The following TIAM2 variants were observed in gnomAD, a reference collection of about 807,000 sequenced individuals.
The protein encoded by TIAM2 is rho guanine nucleotide exchange factor TIAM2.
In TIAM2, 80 loss-of-function variants were observed where a neutral mutation model predicts 152.9. That is an observed-to-expected ratio of 0.52 (90% CI 0.44 to 0.63). The LOEUF (loss-of-function observed/expected upper bound fraction) is 0.63. Among genes scored for constraint, TIAM2 ranks in the 30% least tolerant of loss-of-function variants. The pLI, the probability that TIAM2 is intolerant of heterozygous loss-of-function variation, is 0.00. For missense variants in TIAM2, 1,965 were observed against 2,120.1 expected, an observed-to-expected ratio of 0.93 and a Z score of 1.44; for synonymous variants, 804 against 838.0, an observed-to-expected ratio of 0.96 and a Z score of 0.70.
chr6:154,995,811 C>G lies in TIAM2; in HGVS notation c.-209+319C>G. Among the ~76,000 whole-genome samples, 1 of 152,186 alleles carries G rather than the reference C, an allele frequency of 6.6e-6. No individual in the cohort carries two copies. The highest frequency in any genetic ancestry group is 1.9e-4 in the East Asian group (1 of 5,174). On this transcript the variant is annotated intron_variant, in intron 1 of 26. Transcript: ENST00000682666. The surrounding 1 kb of genome is among the most constrained non-coding windows in gnomAD (Gnocchi z 5.2). ...GCGACACGCCAGGACCCACTTTCAG[C>G]CCCGGTCCCATCCCGGATGGGAGGA...
intron 2 of TIAM2, among the ~76,000 whole-genome samples, chr6:155,096,082 G>A (rs2114986717): frequency 6.6e-6 from 1 of 152,148 alleles, no homozygotes; most frequent in African/African-American, 2.4e-5. Flanking sequence ...GTTACTCTTT[G>A]TAAAGCATTT....
intron 14 of TIAM2, among the ~76,000 whole-genome samples, chr6:155,185,700 GTCC>G (rs1781027285): frequency 6.6e-6 from 1 of 152,046 alleles, no homozygotes; most frequent in Non-Finnish European, 1.5e-5. Flanking sequence ...TCCACATCAC[GTCC>G]TCCTGATGGA....
At chr6:155,125,187 C>G (rs1008545673) in intron 2 of TIAM2, among the ~76,000 whole-genome samples, 1 of 152,156 alleles carries the variant, frequency 6.6e-6, no homozygotes, top group Non-Finnish European at 1.5e-5. Context: ...AGGGGAATCA[C>G]TTGAACCCGG....
chr6:155,250,015 G>C, intron 21 of TIAM2, 46 bp downstream of exon 21: 1 of 1,455,708 alleles, frequency 6.9e-7, no homozygotes, highest in East Asian at 2.3e-5. Context: ...ATGTGGTGTG[G>C]GGTCTGTAGG....
chr6:155,027,735 C>A (rs1407322950), intron 1 of TIAM2, among the ~76,000 whole-genome samples: 9 of 30,894 alleles, frequency 2.9e-4, no homozygotes, highest in Admixed American at 1.0e-3. Context: ...TACATATATA[C>A]TATATATAAT....
At chr6:155,094,281 C>T (rs1207467450) in intron 2 of TIAM2, among the ~76,000 whole-genome samples, 2 of 152,136 alleles carry the variant, frequency 1.3e-5, no homozygotes, top group African/African-American at 2.4e-5. Flanking sequence ...GTCTTCCCAT[C>T]ATCAAATGTC....
At chr6:155,173,531 A>G (rs1053767531) in intron 9 of TIAM2, among the ~76,000 whole-genome samples, 2 of 152,242 alleles carry the variant, frequency 1.3e-5, no homozygotes, top group Admixed American at 1.3e-4. Flanking sequence ...GAGAGCATTA[A>G]GAACTTGACA....
Position 155,165,783 on chromosome 6 carries a change from G to A in TIAM2, c.2361+374G>A, listed in dbSNP as rs192283571. ...AGCCTGAGTGACAGAGCGAGACCCCGTCTCAAAAATAAAAATGAAAATAAA... is the reference window on the plus strand; with the variant it reads ...AGCCTGAGTGACAGAGCGAGACCCCATCTCAAAAATAAAAATGAAAATAAA... On this transcript the variant is annotated intron_variant, in intron 9 of 26. Transcript: ENST00000682666. Among the ~76,000 whole-genome samples the A allele has an allele frequency of 3.2e-3, 490 of 152,162 alleles. 3 individuals carry two copies. Among genetic ancestry groups the A allele is most frequent in the African/African-American group, 0.011 (450 of 41,536 alleles).
intron 1 of TIAM2, among the ~76,000 whole-genome samples, chr6:155,078,775 G>T (rs757524184): frequency 6.6e-6 from 1 of 152,170 alleles, no homozygotes; most frequent in Admixed American, 6.5e-5. Flanking sequence ...CTCTCTGGAA[G>T]TAGATTCCAC....
chr6:155,019,056 C>T (rs761309660), intron 1 of TIAM2, among the ~76,000 whole-genome samples: 3 of 149,226 alleles, frequency 2.0e-5, no homozygotes, highest in Non-Finnish European at 3.0e-5. Context: ...AAAAAATAGG[C>T]TGGGCACAGT....
At chr6:155,019,753 A>C (rs9371845) in intron 1 of TIAM2, among the ~76,000 whole-genome samples, 1 of 152,078 alleles carries the variant, frequency 6.6e-6, no homozygotes, top group Non-Finnish European at 1.5e-5. Context: ...TAGTGGAGCA[A>C]ATTAGAAAAG....
chr6:155,221,126 GAAA>G (rs11309755), intron 15 of TIAM2, among the ~76,000 whole-genome samples: 8 of 109,028 alleles, frequency 7.3e-5, no homozygotes, highest in Non-Finnish European at 1.4e-4. Flanking sequence ...TTTTTTTTTT[GAAA>G]AAAAAAAAAA....
chr6:155,062,548 C>A (rs778213824), intron 1 of TIAM2, among the ~76,000 whole-genome samples: 39 of 151,230 alleles, frequency 2.6e-4, no homozygotes, highest in Non-Finnish European at 4.9e-4. Flanking sequence ...ATAGTAATAT[C>A]TCCTAGTGGT....
chr6:155,248,431 A>G (rs1434058691), intron 20 of TIAM2, among the ~76,000 whole-genome samples: 1 of 152,202 alleles, frequency 6.6e-6, no homozygotes, highest in Non-Finnish European at 1.5e-5. Flanking sequence ...TACTCCTCCT[A>G]TGCAGGGATG....
chr6:155,126,112 C>T (rs1779288687), intron 2 of TIAM2, among the ~76,000 whole-genome samples: 1 of 152,174 alleles, frequency 6.6e-6, no homozygotes, highest in Non-Finnish European at 1.5e-5. Context: ...CAAAATGTGG[C>T]ATGCACATGT....
intron 4 of TIAM2, among the ~76,000 whole-genome samples, chr6:155,130,646 TAGTC>T (rs981861927): frequency 1.3e-5 from 2 of 152,212 alleles, no homozygotes; most frequent in African/African-American, 4.8e-5. Flanking sequence ...TCCCATGTCT[TAGTC>T]AGCTTGGGCA....
At chr6:155,015,589 C>T (rs1432866827) in intron 1 of TIAM2, among the ~76,000 whole-genome samples, 3 of 151,924 alleles carry the variant, frequency 2.0e-5, no homozygotes, top group East Asian at 1.9e-4. Context: ...AAAGAATTGT[C>T]GAAAAAGAGA....
At chr6:155,167,127 G>A (rs1239736823) in intron 9 of TIAM2, among the ~76,000 whole-genome samples, 1 of 152,160 alleles carries the variant, frequency 6.6e-6, no homozygotes, top group Non-Finnish European at 1.5e-5. Flanking sequence ...ACAGACAGCA[G>A]AATCACAGGA....
intron 26 of TIAM2, 103 bp from the exon 27 acceptor site, chr6:155,256,381 A>AAAT (rs1784026071): frequency 4.6e-6 from 7 of 1,522,906 alleles, no homozygotes; most frequent in East Asian, 4.6e-5. Context: ...TCATATCATA[A>AAAT]AATAAAATCT....
Sources: allele counts gnomAD v4.1 joint callset (sites outside exome capture counted in the v4.1 genomes callset), GRCh38; gene constraint gnomAD v4.1.1; non-coding constraint Gnocchi (gnomAD v3.1); transcripts MANE v1.5; gene names NCBI Gene and HGNC (gene_info 2026-07-23, HGNC 2026-07-21).